The following HTR1E variants were observed in gnomAD, a reference collection of about 807,000 sequenced individuals.
HTR1E encodes 5-hydroxytryptamine receptor 1E.
HTR1E carries 3 observed loss-of-function variants against 3.4 expected under a neutral mutation model. The observed-to-expected ratio is 0.89, with a 90% confidence interval of 0.41 to 2.31. HTR1E has a LOEUF of 2.31. HTR1E is among the 30% of genes most tolerant of loss of function. HTR1E has a pLI of 0.05. For synonymous variants in HTR1E, 170 were observed against 182.8 expected, an observed-to-expected ratio of 0.93 and a Z score of 0.56; for missense variants, 392 against 467.0, an observed-to-expected ratio of 0.84 and a Z score of 1.48.
At chr6:86,944,997 T>G (rs1038216912) in intron 1 of HTR1E, among the ~76,000 whole-genome samples, 3 of 152,042 alleles carry the variant, frequency 2.0e-5, no homozygotes, top group Non-Finnish European at 2.9e-5. Flanking sequence ...TTATCATTAT[T>G]TTGGGGTGTG....
intron 1 of HTR1E, among the ~76,000 whole-genome samples, chr6:86,983,197 T>C (rs1767737296): frequency 2.0e-5 from 3 of 152,228 alleles, no homozygotes; most frequent in Non-Finnish European, 4.4e-5. Context: ...ACTTAACATG[T>C]AACTCTTCAT....
At chr6:86,991,297 A>G (rs1767867210) in intron 1 of HTR1E, among the ~76,000 whole-genome samples, 1 of 152,192 alleles carries the variant, frequency 6.6e-6, no homozygotes, top group African/African-American at 2.4e-5. Flanking sequence ...AAATCCAAAT[A>G]AAATCTGAAG....
At chr6:86,952,826 C>A (rs1342881849) in intron 1 of HTR1E, among the ~76,000 whole-genome samples, 1 of 152,114 alleles carries the variant, frequency 6.6e-6, no homozygotes, top group Non-Finnish European at 1.5e-5. Flanking sequence ...CACAAACATT[C>A]CCACTCAAAA....
chr6:86,965,145 C>A (rs1291157960), intron 1 of HTR1E, among the ~76,000 whole-genome samples: 1 of 152,190 alleles, frequency 6.6e-6, no homozygotes, highest in African/African-American at 2.4e-5. Flanking sequence ...GGCTTTCCAC[C>A]TCCTTCACTG....
chr6:86,980,386 C>CA (rs200335569), intron 1 of HTR1E, among the ~76,000 whole-genome samples: 8,116 of 86,594 alleles, frequency 0.094, 242 homozygotes, highest in Middle Eastern at 0.15. Context: ...GACTCTGTCT[C>CA]AAAAAAAAAA....
chr6:86,991,082 G>A (rs758605242), intron 1 of HTR1E, among the ~76,000 whole-genome samples: 1 of 152,128 alleles, frequency 6.6e-6, no homozygotes, highest in African/African-American at 2.4e-5. Flanking sequence ...GTCTAAACAT[G>A]AGGGAAAACA....
intron 1 of HTR1E, among the ~76,000 whole-genome samples, chr6:86,942,809 A>G (rs537137848): frequency 6.6e-6 from 1 of 152,376 alleles, no homozygotes; most frequent in African/African-American, 2.4e-5. Flanking sequence ...TTGGAGAACC[A>G]GACTGTACTG....
At chr6:86,987,491 A>C (rs776190963) in intron 1 of HTR1E, among the ~76,000 whole-genome samples, 1 of 152,084 alleles carries the variant, frequency 6.6e-6, no homozygotes, top group Non-Finnish European at 1.5e-5. Flanking sequence ...AATTTTGAGC[A>C]ATAATAGAAA....
At chr6:87,002,863 A>G (rs1768045261) in intron 1 of HTR1E, among the ~76,000 whole-genome samples, 1 of 152,218 alleles carries the variant, frequency 6.6e-6, no homozygotes, top group Admixed American at 6.5e-5. Context: ...ATAGACCTCA[A>G]TACAGTAATA....
intron 1 of HTR1E, among the ~76,000 whole-genome samples, chr6:87,002,808 GCACACAGAT>G (rs1299490941): frequency 6.6e-6 from 1 of 152,192 alleles, no homozygotes; most frequent in African/African-American, 2.4e-5. Flanking sequence ...CCTCTCAGGA[GCACACAGAT>G]ATATAAAACA....
intron 1 of HTR1E, among the ~76,000 whole-genome samples, chr6:86,963,765 A>G (rs941446407): frequency 2.0e-5 from 3 of 152,200 alleles, no homozygotes; most frequent in Non-Finnish European, 4.4e-5. Context: ...GCTATATCAC[A>G]TGGTCTAGGT....
At chr6:86,960,691 T>C (rs1170812508) in intron 1 of HTR1E, among the ~76,000 whole-genome samples, 1 of 152,160 alleles carries the variant, frequency 6.6e-6, no homozygotes, top group East Asian at 1.9e-4. Flanking sequence ...GAATTCTAGA[T>C]TTTAACACCT....
intron 1 of HTR1E, among the ~76,000 whole-genome samples, chr6:86,987,713 T>C (rs1767810217): frequency 6.6e-6 from 1 of 152,204 alleles, no homozygotes; most frequent in Non-Finnish European, 1.5e-5. Flanking sequence ...CTCATAGTTC[T>C]GGAGCCTGAG....
At chr6:86,945,689 G>T (rs1768606335) in intron 1 of HTR1E, among the ~76,000 whole-genome samples, 2 of 151,932 alleles carry the variant, frequency 1.3e-5, no homozygotes, top group South Asian at 4.2e-4. Context: ...AGTCAAAAAG[G>T]TTTTTTTAAT....
chr6:86,938,465 AC>A (rs1242722592), intron 1 of HTR1E, among the ~76,000 whole-genome samples: 3 of 151,946 alleles, frequency 2.0e-5, no homozygotes, highest in African/African-American at 4.8e-5. Context: ...TGAGAGGCTG[AC>A]CCCCTACCTA....
At position 87,016,390 on chromosome 6, in the gene HTR1E, G is replaced by A. The variant is rs1399080763; in HGVS notation, c.1056G>A (p.Lys352=). The A allele has an allele frequency of 1.2e-6, 2 of 1,606,718 alleles. No homozygotes were observed. The highest frequency in any genetic ancestry group is 1.7e-5 in the Admixed American group (1 of 59,626). Residue 352 remains lysine, a synonymous_variant, in exon 2 of 2, where the codon AAG becomes AAA. Coordinates refer to ENST00000305344, the MANE Select transcript of HTR1E (RefSeq NM_000865.3). ...LLYTSFNEDF[K]LAFKKLIRCR... ...ATACGAGTTTTAATGAAGACTTTAAGCTGGCTTTTAAAAAGCTCATTAGAT... is the reference window on the plus strand; with the variant it reads ...ATACGAGTTTTAATGAAGACTTTAAACTGGCTTTTAAAAAGCTCATTAGAT...
intron 1 of HTR1E, among the ~76,000 whole-genome samples, chr6:86,990,772 A>C (rs1445893581): frequency 6.6e-6 from 1 of 152,188 alleles, no homozygotes; most frequent in African/African-American, 2.4e-5. Flanking sequence ...AGGGGAGAAG[A>C]GATAAATCTT....
intron 1 of HTR1E, among the ~76,000 whole-genome samples, chr6:86,967,616 C>T (rs1003092109): frequency 6.6e-6 from 1 of 151,998 alleles, no homozygotes; most frequent in Non-Finnish European, 1.5e-5. Context: ...ATTAAATATG[C>T]GAAAGAGAGG....
chr6:86,946,736 G>C (rs1273255389), intron 1 of HTR1E, among the ~76,000 whole-genome samples: 1 of 152,128 alleles, frequency 6.6e-6, no homozygotes, highest in Admixed American at 6.5e-5. Flanking sequence ...AACTTTATAT[G>C]GTTTAATCTT....
Sources: gnomAD v4.1 joint callset for allele counts (sites outside exome capture counted in the v4.1 genomes callset) on GRCh38, gnomAD v4.1.1 for gene constraint, MANE v1.5 for transcripts, NCBI Gene and HGNC (gene_info 2026-07-23, HGNC 2026-07-21) for gene names.